Variants in ANGPTL1 observed in about 807,000 individuals in gnomAD.
The protein encoded by ANGPTL1 is angiopoietin-related protein 1.
A neutral mutation model predicts 46.7 loss-of-function variants in ANGPTL1; 36 were observed. The ratio of observed to expected loss-of-function variants is 0.77; its 90% CI spans 0.59 to 1.02. The LOEUF (loss-of-function observed/expected upper bound fraction) is 1.02, where lower values mean the gene tolerates loss of function less well. ANGPTL1 is among the 50% of genes least tolerant of loss of function. The pLI is 0.00. For synonymous variants in ANGPTL1, 221 were observed against 204.3 expected (o/e 1.08, Z -0.69); for missense variants, 571 against 594.7 (o/e 0.96, Z 0.41).
intron 3 of ANGPTL1, among the ~76,000 whole-genome samples, chr1:178,859,316 A>G (rs1558154706): frequency 6.6e-6 from 1 of 152,138 alleles, no homozygotes. Flanking sequence ...AAATAATTTG[A>G]AAAATGTAAA....
chr1:178,852,134 T>C (rs1657213021), intron 5 of ANGPTL1, among the ~76,000 whole-genome samples: 1 of 152,180 alleles, frequency 6.6e-6, no homozygotes, highest in Admixed American at 6.5e-5. Flanking sequence ...ATCCTTCATT[T>C]CTTGCGACTC....
chr1:178,852,835 A>T lies in ANGPTL1; in HGVS notation c.1136T>A (p.Val379Asp). The T allele has an allele frequency of 6.2e-7, 1 of 1,613,902 alleles. No homozygotes were observed. Among genetic ancestry groups the T allele is most frequent in the South Asian group, 1.1e-5 (1 of 91,070 alleles). ...IELEDWSDKK[V>D]YAEYSSFRLE... ...ACGAAAGCTGCTGTATTCTGCATAG[A>T]CTTTTTTATCACTCCAGTCTTCTAA... The change falls in exon 5 of 6, where the codon GTC (valine) becomes GAC (aspartate). Residue 379 changes from valine to aspartate, a missense_variant. Physicochemically the swap from Val to Asp is radical, Grantham distance 152 (BLOSUM62 -3). Transcript: ENST00000234816.
intron 3 of ANGPTL1, among the ~76,000 whole-genome samples, chr1:178,856,537 A>G (rs1203654348): frequency 2.7e-5 from 4 of 148,620 alleles, no homozygotes; most frequent in South Asian, 2.1e-4. Flanking sequence ...GATTGCAGGC[A>G]TGAGCCACTC....
At chr1:178,858,673 A>G (rs1451946880) in intron 3 of ANGPTL1, among the ~76,000 whole-genome samples, 3 of 152,252 alleles carry the variant, frequency 2.0e-5, no homozygotes, top group Middle Eastern at 6.8e-3. Context: ...CCATATTAAT[A>G]CCTCTGATTT....
At chr1:178,854,985 A>G (rs1392006582) in intron 3 of ANGPTL1, among the ~76,000 whole-genome samples, 3 of 152,152 alleles carry the variant, frequency 2.0e-5, no homozygotes, top group Admixed American at 1.3e-4. Flanking sequence ...TAGAAAAAAG[A>G]ATTACCCTAA....
rs1299760172 is a variant in ANGPTL1 at position 178,870,942 on chromosome 1, A to G, written c.-338T>C. 6.6e-6 allele frequency: 1 copy of G among 152,128 alleles called. No individual in the cohort carries two copies. Among genetic ancestry groups the G allele is most frequent in the African/African-American group, 2.4e-5 (1 of 41,436 alleles). 9.4% of individuals were successfully genotyped at this position (152,128 alleles called of 1,614,324 possible). On this transcript the variant is annotated 5_prime_UTR_variant, in exon 1 of 6. Coordinates refer to ENST00000234816, the MANE Select transcript of ANGPTL1 (RefSeq NM_004673.4). ...TTGAATTTGACAAGCCACCTATGTA[A>G]TTTTAAGTAGTATAGTGGAAGTTCT... is the stretch of plus-strand genomic sequence containing the variant.
chr1:178,855,257 A>G (rs1026019413), intron 3 of ANGPTL1, among the ~76,000 whole-genome samples: 5 of 150,052 alleles, frequency 3.3e-5, no homozygotes, highest in Non-Finnish European at 7.4e-5. Context: ...CTTAGAGACT[A>G]TGATCTCTTC....
intron 3 of ANGPTL1, among the ~76,000 whole-genome samples, chr1:178,856,593 TG>T (rs999228171): frequency 6.6e-5 from 10 of 151,544 alleles, no homozygotes; most frequent in African/African-American, 2.4e-4. Flanking sequence ...AAACCAACTT[TG>T]TGCTTCTGGG....
chr1:178,867,531 C>T (rs1037503445), intron 2 of ANGPTL1, among the ~76,000 whole-genome samples: 1 of 152,064 alleles, frequency 6.6e-6, no homozygotes, highest in Admixed American at 6.6e-5. Flanking sequence ...ACCTTCTACT[C>T]CTAACTTTTC....
chr1:178,852,767 A>G lies in ANGPTL1; in HGVS notation c.1204T>C (p.Tyr402His), dbSNP rs931201405. 1 of 1,613,908 alleles carries G rather than the reference A, an allele frequency of 6.2e-7. No homozygotes were observed. The highest frequency in any genetic ancestry group is 1.1e-5 in the South Asian group (1 of 91,066). ...SEFYRLRLGT[Y>H]QGNAGDSMMW... ...ATAGAATCCCCTGCATTTCCCTGGT[A>G]AGTTCCCAGGCGCAGTCTATAGAAT... Residue 402 changes from tyrosine to histidine, a missense_variant, in exon 5 of 6, where the codon TAC becomes CAC. Tyr to His is a moderately conservative substitution (Grantham distance 83). Coordinates refer to ENST00000234816, the MANE Select transcript of ANGPTL1 (RefSeq NM_004673.4).
chr1:178,859,364 A>G (rs1249238947), intron 3 of ANGPTL1, among the ~76,000 whole-genome samples: 1 of 151,044 alleles, frequency 6.6e-6, no homozygotes, highest in Non-Finnish European at 1.5e-5. Context: ...ACTAAAAAGC[A>G]TATTTTTAGT....
intron 1 of ANGPTL1, among the ~76,000 whole-genome samples, chr1:178,869,753 A>G (rs537848078): frequency 1.7e-4 from 26 of 152,240 alleles, no homozygotes; most frequent in East Asian, 5.8e-4. Flanking sequence ...AACCATTAAT[A>G]TCTTTAATTT....
chr1:178,865,665 G>T lies in ANGPTL1; in HGVS notation c.112C>A (p.Arg38Ser). 6.2e-7 allele frequency: 1 copy of T among 1,614,026 alleles called. No homozygotes were observed. The highest frequency in any genetic ancestry group is 2.2e-5 in the East Asian group (1 of 44,876). The change falls in exon 3 of 6, where the codon CGT becomes AGT. Residue 38 changes from arginine (R) to serine (S), a missense_variant. Coordinates refer to ENST00000234816, the MANE Select transcript of ANGPTL1 (RefSeq NM_004673.4). Reference sequence around the variant, plus strand: ...GCTTCCTCTTTACCATCTGTGGCACGAGGGTATCTTCTCTGGTTTATTTTT... The same window carrying T: ...GCTTCCTCTTTACCATCTGTGGCACTAGGGTATCTTCTCTGGTTTATTTTT... The part of the protein sequence containing the change: ...IKKINQRRYP[R>S]ATDGKEEAKK...
Position 178,865,016 on chromosome 1 carries a change from TC to T in ANGPTL1, c.760del (p.Asp254IlefsTer16), listed in dbSNP as rs776957583. 1 of 1,480,622 alleles carries T rather than the reference TC, an allele frequency of 6.8e-7. No homozygotes were observed. The highest frequency in any genetic ancestry group is 9.0e-7 in the Non-Finnish European group (1 of 1,115,764). 91.7% of individuals were successfully genotyped at this position (1,480,622 alleles called of 1,614,324 possible). ...GYPRDLMPPP[D>X]LATSPTKSPF... ...GCTTTTGGTGGGAGAAGTTGCCAGA[TC>T]AGGTGGTGGCATTAAATCTCTGGGA... On this transcript the variant is annotated frameshift_variant, in exon 3 of 6. Coordinates refer to ENST00000234816, the MANE Select transcript of ANGPTL1 (RefSeq NM_004673.4). LOFTEE classifies it high-confidence loss of function.
Position 178,865,365 on chromosome 1 carries a change from A to G in ANGPTL1, c.412T>C (p.Leu138=). 1 of 1,614,124 alleles carries G rather than the reference A, an allele frequency of 6.2e-7. No individual in the cohort carries two copies. The highest frequency in any genetic ancestry group is 8.5e-7 in the Non-Finnish European group (1 of 1,180,000). The change falls in exon 3 of 6, where the codon TTA becomes CTA. Residue 138 remains leucine, a synonymous_variant. Transcript: ENST00000234816. ...SRVTQLYMQL[L]HEIIRKRDNS... ...TCCCTCTTACGGATAATCTCATGTA[A>G]TAATTGCATATAGAGTTGAGTAACA...
At chr1:178,854,790 A>T (rs1276577223) in intron 3 of ANGPTL1, among the ~76,000 whole-genome samples, 1 of 152,120 alleles carries the variant, frequency 6.6e-6, no homozygotes, top group East Asian at 1.9e-4. Flanking sequence ...AATTTTAGGT[A>T]TTCTCCATTT....
intron 5 of ANGPTL1, among the ~76,000 whole-genome samples, chr1:178,851,870 A>T (rs1657196462): frequency 6.6e-6 from 1 of 151,924 alleles, no homozygotes; most frequent in Non-Finnish European, 1.5e-5. Flanking sequence ...TGGGACAGGG[A>T]TGGGGGAGAA....
intron 2 of ANGPTL1, among the ~76,000 whole-genome samples, chr1:178,868,446 T>C (rs1658552939): frequency 6.6e-6 from 1 of 151,946 alleles, no homozygotes; most frequent in Non-Finnish European, 1.5e-5. Context: ...AAATAATATT[T>C]ACTATGAAAT....
At chr1:178,862,635 TTGG>T (rs1370443891) in intron 3 of ANGPTL1, among the ~76,000 whole-genome samples, 4 of 144,930 alleles carry the variant, frequency 2.8e-5, no homozygotes, top group African/African-American at 1.1e-4. Context: ...ATTTATTTGG[TTGG>T]TTGGTTGGTT....
Sources: gnomAD v4.1 joint callset for allele counts (sites outside exome capture counted in the v4.1 genomes callset) on GRCh38, gnomAD v4.1.1 for gene constraint, MANE v1.5 for transcripts, NCBI Gene and HGNC (gene_info 2026-07-23, HGNC 2026-07-21) for gene names.